NELL1: variants seen among roughly 807,000 people sequenced by gnomAD.
NELL1 encodes protein kinase C-binding protein NELL1.
In NELL1, 76 loss-of-function variants were observed where a neutral mutation model predicts 107.4. The ratio of observed to expected loss-of-function variants is 0.71; its 90% CI spans 0.59 to 0.86. The LOEUF (loss-of-function observed/expected upper bound fraction) is 0.86. Ranked by LOEUF, NELL1 falls within the 40% of genes least tolerant of loss-of-function variation. The probability of loss-of-function intolerance (pLI) is 0.00; values close to 1 mark genes in which losing one functional copy is unlikely to be tolerated. For missense variants in NELL1, 1,024 were observed against 1,005.5 expected, an observed-to-expected ratio of 1.02 and a Z score of -0.25; for synonymous variants, 353 against 341.2, an observed-to-expected ratio of 1.03 and a Z score of -0.38.
chr11:20,819,413 C>A (rs936942804), intron 3 of NELL1, among the ~76,000 whole-genome samples: 3 of 152,164 alleles, frequency 2.0e-5, no homozygotes, highest in Non-Finnish European at 4.4e-5. Context: ...AATAAAACAT[C>A]TCCTGAAAAA....
intron 16 of NELL1, among the ~76,000 whole-genome samples, chr11:21,557,866 C>T (rs1029188231): frequency 1.3e-5 from 2 of 151,784 alleles, no homozygotes; most frequent in Non-Finnish European, 2.9e-5. Flanking sequence ...ATAAATACAT[C>T]GAATATCCAT....
intron 13 of NELL1, among the ~76,000 whole-genome samples, chr11:21,220,742 G>T (rs1429550268): frequency 6.6e-6 from 1 of 151,776 alleles, no homozygotes; most frequent in African/African-American, 2.4e-5. Flanking sequence ...TACTGAATTT[G>T]TTTATTAGTT....
At chr11:21,559,460 G>A (rs758206114) in intron 16 of NELL1, among the ~76,000 whole-genome samples, 6 of 151,984 alleles carry the variant, frequency 3.9e-5, no homozygotes, top group Non-Finnish European at 8.8e-5. Flanking sequence ...TGTCAGAATC[G>A]GCCGACTGGA....
intron 15 of NELL1, among the ~76,000 whole-genome samples, chr11:21,506,656 A>G (rs73469180): frequency 0.042 from 6,351 of 152,258 alleles, 460 homozygotes; most frequent in African/African-American, 0.15. Context: ...AATAGTTATT[A>G]TTACTATTAT....
At chr11:20,838,842 T>G (rs1208500587) in intron 3 of NELL1, among the ~76,000 whole-genome samples, 1 of 152,196 alleles carries the variant, frequency 6.6e-6, no homozygotes, top group Non-Finnish European at 1.5e-5. Flanking sequence ...CACTATATAT[T>G]TAGTGCCTAT....
chr11:21,340,303 C>A (rs1164685284), intron 14 of NELL1, among the ~76,000 whole-genome samples: 2 of 152,078 alleles, frequency 1.3e-5, no homozygotes, highest in Admixed American at 6.5e-5. Flanking sequence ...CAGGCGCCCA[C>A]CGCCATACCT....
intron 2 of NELL1, among the ~76,000 whole-genome samples, chr11:20,723,581 C>A (rs772464850): frequency 2.1e-4 from 32 of 152,124 alleles, no homozygotes; most frequent in Non-Finnish European, 4.1e-4. Context: ...AGGGTACAGC[C>A]CCCAGAGCTG....
At chr11:21,560,458 T>G (rs1361932772) in intron 17 of NELL1, 76 bp downstream of exon 17, 1 of 1,290,738 alleles carries the variant, frequency 7.7e-7, no homozygotes, top group African/African-American at 1.5e-5. Flanking sequence ...TCCCCAGCTC[T>G]CTCCCTCTTG....
At position 21,484,629 on chromosome 11, in the gene NELL1, CATATATAT is replaced by C. The variant is rs146014018; in HGVS notation, c.1646-49744_1646-49737del. On this transcript the variant is annotated intron_variant, in intron 15 of 19. Coordinates refer to ENST00000357134, the MANE Select transcript of NELL1 (RefSeq NM_006157.5). Reference sequence around the variant, plus strand: ...TGATATGCATACATATCCATATATACATATATATGTGTTATATATACATATGTACATTA... The same window carrying C: ...TGATATGCATACATATCCATATATACGTGTTATATATACATATGTACATTA... 5.4e-3 allele frequency among the ~76,000 whole-genome samples: 813 copies of C among 151,718 alleles called. 3 individuals carry two copies. Among genetic ancestry groups the C allele is most frequent in the African/African-American group, 0.019 (778 of 41,356 alleles).
rs183679563 is a variant in NELL1 at position 21,524,591 on chromosome 11, G to A, written c.1646-9783G>A. Among the ~76,000 whole-genome samples the A allele has an allele frequency of 4.3e-4, 65 of 152,190 alleles. 1 individual carries two copies. In the South Asian group the frequency reaches 1.0e-2, roughly 23 times the overall value. On this transcript the variant is annotated intron_variant, in intron 15 of 19. Transcript: ENST00000357134. ...AATGGAATATGGAATAGGTGGGTATGTAAAGCAACCACTCGAGAGAGTGCA... is the reference window on the plus strand; with the variant it reads ...AATGGAATATGGAATAGGTGGGTATATAAAGCAACCACTCGAGAGAGTGCA...
chr11:21,251,679 G>T (rs1858642357), intron 14 of NELL1, among the ~76,000 whole-genome samples: 1 of 151,926 alleles, frequency 6.6e-6, no homozygotes, highest in Admixed American at 6.6e-5. Flanking sequence ...TGCTCATTCT[G>T]GTGGGCAAAT....
At chr11:20,847,497 G>A (rs1848720724) in intron 3 of NELL1, 86 bp from the exon 4 acceptor site, 11 of 1,361,710 alleles carry the variant, frequency 8.1e-6, no homozygotes, top group South Asian at 1.5e-5. Context: ...GATTGTGAGA[G>A]ACCTGGTAGT....
intron 15 of NELL1, among the ~76,000 whole-genome samples, chr11:21,498,509 A>ATATAG (rs1855047838): frequency 6.6e-6 from 1 of 151,590 alleles, no homozygotes; most frequent in South Asian, 2.1e-4. Context: ...TTTAAGTACT[A>ATATAG]TATAGTATTC....
intron 15 of NELL1, among the ~76,000 whole-genome samples, chr11:21,407,497 C>T (rs972701552): frequency 1.3e-5 from 2 of 151,902 alleles, no homozygotes; most frequent in East Asian, 3.9e-4. Flanking sequence ...GTCATTTGGC[C>T]AGTCTCCCTA....
At chr11:21,451,696 A>G (rs990962287) in intron 15 of NELL1, among the ~76,000 whole-genome samples, 2 of 152,190 alleles carry the variant, frequency 1.3e-5, no homozygotes, top group Non-Finnish European at 2.9e-5. Flanking sequence ...AGAGAGTGAC[A>G]CATATTTTGA....
At chr11:20,944,584 C>T (rs773721368) in intron 10 of NELL1, among the ~76,000 whole-genome samples, 7 of 152,178 alleles carry the variant, frequency 4.6e-5, no homozygotes, top group Middle Eastern at 6.8e-3. Context: ...TTTCCACCAG[C>T]GCAGAACTCC....
rs75482057 is a variant in NELL1, at chr11:21,225,799, G to T, written c.1427-3533G>T. ...AATGACAATCAAATACCTAACACTT[G>T]TGGAGCACTTACCAGCTGTAACATG... On this transcript the variant is annotated intron_variant, in intron 13 of 19. Coordinates refer to ENST00000357134, the MANE Select transcript of NELL1 (RefSeq NM_006157.5). Among the ~76,000 whole-genome samples the T allele has an allele frequency of 9.5e-3, 1,440 of 152,248 alleles. 15 individuals carry two copies. The highest frequency in any genetic ancestry group is 0.048 in the South Asian group (229 of 4,814).
chr11:21,282,766 G>T (rs913297120), intron 14 of NELL1, among the ~76,000 whole-genome samples: 2 of 152,156 alleles, frequency 1.3e-5, no homozygotes, highest in South Asian at 2.1e-4. Context: ...AGATATTGAA[G>T]CAATGTAAGT....
chr11:21,367,705 G>A (rs185570855), intron 14 of NELL1, among the ~76,000 whole-genome samples: 7 of 152,166 alleles, frequency 4.6e-5, no homozygotes, highest in Admixed American at 2.0e-4. Flanking sequence ...CCCCCAGCAT[G>A]AGTGTTATTA....
Sources: allele counts gnomAD v4.1 joint callset (sites outside exome capture counted in the v4.1 genomes callset), GRCh38; gene constraint gnomAD v4.1.1; transcripts MANE v1.5; gene names NCBI Gene and HGNC (gene_info 2026-07-23, HGNC 2026-07-21).